The following SCAPER variants were observed in gnomAD, a reference collection of about 807,000 sequenced individuals.
SCAPER encodes the protein S phase cyclin A-associated protein in the endoplasmic reticulum.
SCAPER carries 98 observed loss-of-function variants against 182.2 expected under a neutral mutation model. That is an observed-to-expected ratio of 0.54 (90% CI 0.46 to 0.64). The LOEUF (loss-of-function observed/expected upper bound fraction) is 0.64. Ranked by LOEUF, SCAPER falls within the 30% of genes least tolerant of loss-of-function variation. SCAPER has a pLI of 0.00. For synonymous variants in SCAPER, 605 were observed against 564.6 expected (o/e 1.07, Z -1.01); for missense variants, 1,432 against 1,690.0 (o/e 0.85, Z 2.68).
chr15:76,374,640 C>CAT (rs2042413475), intron 29 of SCAPER, among the ~76,000 whole-genome samples: 1 of 151,502 alleles, frequency 6.6e-6, no homozygotes, highest in African/African-American at 2.4e-5. Context: ...CGCCACCATG[C>CAT]CCGGTTAATT....
intron 23 of SCAPER, among the ~76,000 whole-genome samples, chr15:76,557,058 T>C (rs2145067066): frequency 6.6e-6 from 1 of 151,812 alleles, no homozygotes. Context: ...AATAGAGAGG[T>C]GAAAGATTTC....
rs1042204610 is a variant in SCAPER at position 76,799,699 on chromosome 15, C to T, written c.611+549G>A. On this transcript the variant is annotated intron_variant, in intron 7 of 31. Coordinates refer to ENST00000563290, the MANE Select transcript of SCAPER (RefSeq NM_020843.4). ...AATAAGAAGGAACTGCCCACGACGG[C>T]CCAGGCTTTGTCCTTATCCCTGTAG... 3.9e-5 allele frequency among the ~76,000 whole-genome samples: 6 copies of T among 152,256 alleles called. No homozygotes were observed. In the East Asian group the frequency reaches 1.2e-3, roughly 29 times the overall value.
intron 14 of SCAPER, among the ~76,000 whole-genome samples, chr15:76,760,308 G>A (rs191253552): frequency 1.3e-5 from 2 of 152,260 alleles, no homozygotes; most frequent in African/African-American, 4.8e-5. Context: ...TGCTAGAGTG[G>A]CCCACAGAAC....
chr15:76,497,721 G>C (rs540007105), intron 24 of SCAPER, among the ~76,000 whole-genome samples: 1 of 151,934 alleles, frequency 6.6e-6, no homozygotes, highest in Non-Finnish European at 1.5e-5. Context: ...GGCCGGGCAC[G>C]GTGGCTCATG....
intron 27 of SCAPER, among the ~76,000 whole-genome samples, chr15:76,389,731 T>C (rs932240047): frequency 1.4e-5 from 2 of 142,930 alleles, no homozygotes; most frequent in African/African-American, 5.2e-5. Flanking sequence ...GGCAGGAGAA[T>C]GGCGTGAACC....
chr15:76,389,531 A>G (rs2043521499), intron 27 of SCAPER, among the ~76,000 whole-genome samples: 3 of 111,564 alleles, frequency 2.7e-5, no homozygotes, highest in East Asian at 5.6e-4. Context: ...AAAAAAAAAA[A>G]GGCCGGGCGC....
intron 30 of SCAPER, among the ~76,000 whole-genome samples, chr15:76,351,609 C>T (rs1411085173): frequency 6.6e-6 from 1 of 151,996 alleles, no homozygotes; most frequent in Admixed American, 6.5e-5. Flanking sequence ...TTAAAAAGTA[C>T]AAATATGAAA....
At chr15:76,525,001 A>AT (rs1410607107) in intron 23 of SCAPER, among the ~76,000 whole-genome samples, 3 of 152,170 alleles carry the variant, frequency 2.0e-5, no homozygotes, top group Non-Finnish European at 2.9e-5. Context: ...ATACCTAAAA[A>AT]ATATATAGGC....
intron 21 of SCAPER, among the ~76,000 whole-genome samples, chr15:76,662,335 G>A (rs1056370981): frequency 6.6e-6 from 1 of 151,866 alleles, no homozygotes; most frequent in Non-Finnish European, 1.5e-5. Context: ...GGGACTTATA[G>A]TAAAATAAAA....
At chr15:76,640,352 T>G (rs2054002102) in intron 21 of SCAPER, among the ~76,000 whole-genome samples, 1 of 152,218 alleles carries the variant, frequency 6.6e-6, no homozygotes, top group African/African-American at 2.4e-5. Context: ...TAACTCCGTT[T>G]CAATATAATG....
chr15:76,429,234 G>A (rs2046688629), intron 26 of SCAPER, among the ~76,000 whole-genome samples: 1 of 151,982 alleles, frequency 6.6e-6, no homozygotes, highest in South Asian at 2.1e-4. Flanking sequence ...TTTCTTTCCA[G>A]TCTTGGTTAT....
intron 25 of SCAPER, among the ~76,000 whole-genome samples, chr15:76,466,419 C>CTCTTCTTTTTTTTTT (rs754649564): frequency 2.7e-5 from 1 of 37,394 alleles, no homozygotes; most frequent in African/African-American, 7.8e-5. Context: ...GTTGGTTCTT[C>CTCTTCTTTTTTTTTT]TTTTTTTTTT....
chr15:76,620,973 C>G (rs2051983594), intron 22 of SCAPER, among the ~76,000 whole-genome samples: 1 of 151,962 alleles, frequency 6.6e-6, no homozygotes, highest in South Asian at 2.1e-4. Flanking sequence ...ATGTAACAAA[C>G]CTGCACATCC....
intron 22 of SCAPER, among the ~76,000 whole-genome samples, chr15:76,614,722 T>G (rs1270210416): frequency 6.6e-6 from 1 of 152,094 alleles, no homozygotes; most frequent in East Asian, 1.9e-4. Context: ...GGAAGAAAAA[T>G]CTAAACCCAA....
chr15:76,492,384 A>G (rs1216210109), intron 24 of SCAPER, among the ~76,000 whole-genome samples: 2 of 152,214 alleles, frequency 1.3e-5, no homozygotes, highest in East Asian at 1.9e-4. Context: ...TATAATTGCT[A>G]TTTAATTATG....
intron 20 of SCAPER, among the ~76,000 whole-genome samples, chr15:76,666,494 T>C (rs555586442): frequency 2.4e-4 from 37 of 152,290 alleles, no homozygotes; most frequent in African/African-American, 8.9e-4. Context: ...CTTTCTTCTT[T>C]CATACATGCA....
intron 25 of SCAPER, among the ~76,000 whole-genome samples, chr15:76,440,924 T>G (rs2047541311): frequency 7.4e-6 from 1 of 135,024 alleles, no homozygotes; most frequent in African/African-American, 3.0e-5. Flanking sequence ...TTTTGTTTTT[T>G]TTTTTTTTTT....
chr15:76,615,714 A>G (rs767641463), intron 22 of SCAPER, among the ~76,000 whole-genome samples: 2 of 148,130 alleles, frequency 1.4e-5, no homozygotes, highest in Non-Finnish European at 3.0e-5. Context: ...CAGCTACTCG[A>G]GAGGCAGAGG....
chr15:76,649,715 T>C (rs180866761), intron 21 of SCAPER, among the ~76,000 whole-genome samples: 65 of 149,828 alleles, frequency 4.3e-4, no homozygotes, highest in Middle Eastern at 3.5e-3. Flanking sequence ...AAAAACACAA[T>C]AACATGTTTA....
Sources: gnomAD v4.1 joint callset for allele counts (sites outside exome capture counted in the v4.1 genomes callset) on GRCh38, gnomAD v4.1.1 for gene constraint, MANE v1.5 for transcripts, NCBI Gene and HGNC (gene_info 2026-07-23, HGNC 2026-07-21) for gene names.